The following FRMD3 variants were observed in gnomAD, a reference collection of about 807,000 sequenced individuals.
The protein encoded by FRMD3 is FERM domain-containing protein 3.
In FRMD3, 33 loss-of-function variants were observed where a neutral mutation model predicts 70.2. That is an observed-to-expected ratio of 0.47 (90% CI 0.36 to 0.63). The LOEUF is 0.63. Among genes scored for constraint, FRMD3 ranks in the 20% least tolerant of loss-of-function variants. The pLI, the probability that FRMD3 is intolerant of heterozygous loss-of-function variation, is 0.00. For missense variants in FRMD3, 632 were observed against 711.4 expected (o/e 0.89, Z 1.27); for synonymous variants, 279 against 255.9 (o/e 1.09, Z -0.86).
chr9:83,329,877 A>G (rs1836183416), intron 6 of FRMD3, among the ~76,000 whole-genome samples: 1 of 152,246 alleles, frequency 6.6e-6, no homozygotes, highest in African/African-American at 2.4e-5. Flanking sequence ...TGAGAGGAAG[A>G]AAAGACTAGC....
At chr9:83,298,909 T>C in intron 11 of FRMD3, 93 bp from the exon 12 acceptor site, 1 of 1,262,246 alleles carries the variant, frequency 7.9e-7, no homozygotes, top group Admixed American at 1.7e-5. Context: ...TTCACAGGTG[T>C]CTGACCCAGC....
chr9:83,539,737 CACT>C (rs1332008661), upstream of FRMD3, among the ~76,000 whole-genome samples: 1 of 152,156 alleles, frequency 6.6e-6, no homozygotes. Context: ...CCCTGTTGAT[CACT>C]AATAAATACC....
At chr9:83,493,698 T>C (rs551712368) in intron 1 of FRMD3, among the ~76,000 whole-genome samples, 4 of 152,246 alleles carry the variant, frequency 2.6e-5, no homozygotes, top group African/African-American at 7.2e-5. Context: ...CAGGCAGCAG[T>C]TCTCAAACTT....
chr9:83,490,794 TCTCTCACA>T (rs1455793637), intron 1 of FRMD3, among the ~76,000 whole-genome samples: 150 of 120,598 alleles, frequency 1.2e-3, no homozygotes, highest in African/African-American at 4.1e-3. Flanking sequence ...TCTCTCTCTC[TCTCTCACA>T]CACACACACA....
chr9:83,326,070 G>C (rs1043168176), intron 6 of FRMD3, among the ~76,000 whole-genome samples: 1 of 152,132 alleles, frequency 6.6e-6, no homozygotes, highest in East Asian at 1.9e-4. Context: ...ATGGTTTTCT[G>C]AACCCTGATC....
chr9:83,388,266 T>C lies in FRMD3; in HGVS notation c.252+1338A>G, dbSNP rs1825567532. Among the ~76,000 whole-genome samples the C allele has an allele frequency of 3.3e-5, 5 of 152,182 alleles. No homozygotes were observed. In the South Asian group the frequency reaches 8.3e-4, roughly 25 times the overall value. ...ACTCTGTGAGCCTCTCCTCATGGTA[T>C]TGGGTCAGTGAACACTAAACTAAGA... On this transcript the variant is annotated intron_variant, in intron 2 of 13. Transcript: ENST00000304195.
intron 1 of FRMD3, among the ~76,000 whole-genome samples, chr9:83,430,608 G>T (rs1437495096): frequency 2.0e-5 from 3 of 151,990 alleles, no homozygotes; most frequent in Non-Finnish European, 4.4e-5. Flanking sequence ...TCATAAAATG[G>T]CTTGCTTTTT....
chr9:83,357,897 T>C (rs1032196780), intron 3 of FRMD3, among the ~76,000 whole-genome samples: 2 of 152,234 alleles, frequency 1.3e-5, no homozygotes, highest in African/African-American at 4.8e-5. Flanking sequence ...TGCTGATTAT[T>C]TATTTTTTGT....
chr9:83,472,985 C>CA (rs1483601669), intron 1 of FRMD3, among the ~76,000 whole-genome samples: 1 of 152,168 alleles, frequency 6.6e-6, no homozygotes, highest in Non-Finnish European at 1.5e-5. Flanking sequence ...CTGCCACACT[C>CA]ACCAGGATTG....
chr9:83,512,462 C>G (rs1829359196), intron 1 of FRMD3, among the ~76,000 whole-genome samples: 1 of 152,188 alleles, frequency 6.6e-6, no homozygotes. Context: ...AGAGAAGACT[C>G]ACATAGTGTG....
chr9:83,336,701 A>G (rs7033063), intron 5 of FRMD3, among the ~76,000 whole-genome samples: 1 of 140,470 alleles, frequency 7.1e-6, no homozygotes, highest in African/African-American at 2.7e-5. Flanking sequence ...CATTGCCCCC[A>G]CTTGGCCAAG....
chr9:83,437,865 C>T (rs748741066), intron 1 of FRMD3, among the ~76,000 whole-genome samples: 4 of 152,152 alleles, frequency 2.6e-5, no homozygotes, highest in Non-Finnish European at 4.4e-5. Context: ...AGAACATGCG[C>T]GTCACTGGCA....
intron 3 of FRMD3, among the ~76,000 whole-genome samples, chr9:83,363,592 C>T (rs1452068141): frequency 1.6e-5 from 2 of 128,436 alleles, no homozygotes; most frequent in South Asian, 2.6e-4. Flanking sequence ...GTCTCGCTGT[C>T]GCCCAGGCTG....
chr9:83,475,809 A>G (rs1665518465), intron 1 of FRMD3, among the ~76,000 whole-genome samples: 1 of 152,348 alleles, frequency 6.6e-6, no homozygotes, highest in East Asian at 1.9e-4. Context: ...ACACTCTACA[A>G]GCCTCACTTA....
chr9:83,565,129 T>C, the FRMD3 span, among the ~76,000 whole-genome samples: 1 of 152,176 alleles, frequency 6.6e-6, no homozygotes. Flanking sequence ...TTTTACCAGG[T>C]ACACAATTGT....
chr9:83,491,372 C>T (rs1318782162), intron 1 of FRMD3, among the ~76,000 whole-genome samples: 5 of 152,278 alleles, frequency 3.3e-5, no homozygotes, highest in Middle Eastern at 3.4e-3. Flanking sequence ...TTTCTTACTC[C>T]GTGGGTGCTT....
At chr9:83,294,434 C>T (rs1420486727) in intron 12 of FRMD3, among the ~76,000 whole-genome samples, 2 of 152,222 alleles carry the variant, frequency 1.3e-5, no homozygotes, top group Non-Finnish European at 2.9e-5. Context: ...ACCTAATTCT[C>T]TCTTTAAACT....
intron 11 of FRMD3, 122 bp from the exon 12 acceptor site, chr9:83,298,938 G>A: frequency 1.9e-6 from 2 of 1,068,666 alleles, no homozygotes; most frequent in Admixed American, 1.9e-5. Flanking sequence ...TCATGAGGGG[G>A]AAAATTACGG....
the FRMD3 span, among the ~76,000 whole-genome samples, chr9:83,544,931 A>T: frequency 6.6e-6 from 1 of 152,246 alleles, no homozygotes; most frequent in Non-Finnish European, 1.5e-5. Context: ...ACACCTCAGA[A>T]TAAGAAAGGA....
Sources: allele counts gnomAD v4.1 joint callset (sites outside exome capture counted in the v4.1 genomes callset), GRCh38; gene constraint gnomAD v4.1.1; transcripts MANE v1.5; gene names NCBI Gene and HGNC (gene_info 2026-07-23, HGNC 2026-07-21).